The following KLF13 variants were observed in gnomAD, a reference collection of about 807,000 sequenced individuals.
KLF13 encodes the protein KLF transcription factor 13, also known as Krueppel-like factor 13.
A neutral mutation model predicts 16.7 loss-of-function variants in KLF13; 8 were observed. The observed-to-expected ratio is 0.48, with a 90% CI of 0.28 to 0.87. KLF13 has a LOEUF of 0.87. KLF13 is among the 40% of genes least tolerant of loss of function. The probability of loss-of-function intolerance (pLI) is 0.10; values close to 1 mark genes in which losing one functional copy is unlikely to be tolerated. For synonymous variants in KLF13, 245 were observed against 208.4 expected (o/e 1.18, Z -1.51); for missense variants, 447 against 452.2 (o/e 0.99, Z 0.10).
chr15:31,394,441 TG>T (rs1321402447), intron 2 of KLF13, among the ~76,000 whole-genome samples: 1 of 150,832 alleles, frequency 6.6e-6, no homozygotes, highest in Non-Finnish European at 1.5e-5. Context: ...GAGCCCAGAT[TG>T]GGCCACTGCC....
chr15:31,353,663 C>G (rs550631532), intron 1 of KLF13, among the ~76,000 whole-genome samples: 8 of 152,374 alleles, frequency 5.3e-5, no homozygotes, highest in East Asian at 1.9e-4. Context: ...TATCCTCCCC[C>G]CAAAGGGAGA....
At chr15:31,358,186 C>A (rs939715745) in intron 1 of KLF13, among the ~76,000 whole-genome samples, 1 of 152,226 alleles carries the variant, frequency 6.6e-6, no homozygotes, top group Non-Finnish European at 1.5e-5. Flanking sequence ...GCCAGAGATA[C>A]ATCCAGCAAT....
rs1441988607 is a variant in KLF13 at position 31,428,611 on chromosome 15, C to A, written n.118-6759C>A. 2.0e-5 allele frequency among the ~76,000 whole-genome samples: 3 copies of A among 151,854 alleles called. No individual in the cohort carries two copies. In the South Asian group the frequency reaches 6.2e-4, roughly 32 times the overall value. On this transcript the variant is annotated intron_variant and non_coding_transcript_variant, in intron 1 of 1. Coordinates refer to the KLF13 transcript ENST00000558225. ...CACAAGGTCAGGAGATCAAGACCAT[C>A]CTGGCTAACACGGTGAAACCCCGTC...
intron 1 of KLF13, among the ~76,000 whole-genome samples, chr15:31,419,230 C>T (rs11071009): frequency 2.0e-5 from 3 of 151,784 alleles, no homozygotes; most frequent in Non-Finnish European, 4.4e-5. Context: ...TTCAAAAGCA[C>T]AAATCCCAGT....
chr15:31,352,538 G>A (rs55852100), intron 1 of KLF13, among the ~76,000 whole-genome samples: 5 of 152,198 alleles, frequency 3.3e-5, no homozygotes, highest in Non-Finnish European at 5.9e-5. Flanking sequence ...GTCTGTATGT[G>A]GTGCCACTTG....
chr15:31,341,971 A>C (rs2039030941), intron 1 of KLF13, among the ~76,000 whole-genome samples: 1 of 152,220 alleles, frequency 6.6e-6, no homozygotes, highest in African/African-American at 2.4e-5. Flanking sequence ...AGGCATGCTC[A>C]GACTAGGGAG....
chr15:31,420,875 T>C (rs748742748), intron 1 of KLF13, among the ~76,000 whole-genome samples: 46 of 152,030 alleles, frequency 3.0e-4, no homozygotes, highest in Admixed American at 5.9e-4. Context: ...ATATTTTTAG[T>C]AGAGACAAGG....
intron 1 of KLF13, among the ~76,000 whole-genome samples, chr15:31,414,937 G>A (rs749915198): frequency 6.6e-6 from 1 of 152,170 alleles, no homozygotes; most frequent in Admixed American, 6.5e-5. Context: ...TGGAAGTAGG[G>A]ACTAAATTGG....
chr15:31,335,300 G>A (rs1566802674), intron 1 of KLF13, among the ~76,000 whole-genome samples: 2 of 152,080 alleles, frequency 1.3e-5, no homozygotes, highest in Admixed American at 1.3e-4. Flanking sequence ...GTGGTGAAGG[G>A]GCTATGCCTT....
rs1435277329 is a variant in KLF13 at position 31,371,888 on chromosome 15, A to T, written c.578-122A>T. ...ATGGATTTGTCACAGAAGCTCTTGGAGGTGGGGCATGTGGGAGGGGTGTTG... is the reference window on the plus strand; with the variant it reads ...ATGGATTTGTCACAGAAGCTCTTGGTGGTGGGGCATGTGGGAGGGGTGTTG... On this transcript the variant is annotated intron_variant, in intron 1 of 1. Transcript: ENST00000307145. 3.6e-6 allele frequency: 4 copies of T among 1,099,038 alleles called. No individual in the cohort carries two copies. The East Asian group carries it at 1.0e-4, about 29-fold the overall frequency. The allele number at this position is 1,099,038 out of a possible 1,614,324, so 68.1% of individuals were successfully genotyped here. A position where few individuals can be genotyped will look rare whatever the true frequency, so the allele number is the denominator to read the frequency against.
At chr15:31,423,176 C>CGTATATATACACGT (rs149346729) in intron 1 of KLF13, among the ~76,000 whole-genome samples, 3 of 17,000 alleles carry the variant, frequency 1.8e-4, no homozygotes, top group African/African-American at 5.1e-4. Flanking sequence ...TATATATATA[C>CGTATATATACACGT]ATATATACGT....
chr15:31,421,020 T>A (rs1303290022), intron 1 of KLF13, among the ~76,000 whole-genome samples: 1 of 152,188 alleles, frequency 6.6e-6, no homozygotes, highest in African/African-American at 2.4e-5. Context: ...GTTGCCTTTT[T>A]AAGTTTTCCT....
At chr15:31,355,990 A>G (rs756146537) in intron 1 of KLF13, among the ~76,000 whole-genome samples, 6 of 152,086 alleles carry the variant, frequency 3.9e-5, no homozygotes, top group Non-Finnish European at 5.9e-5. Flanking sequence ...CTCCTGCTGC[A>G]TAGCCTCCTG....
At chr15:31,426,975 G>A (rs1566850173) in intron 1 of KLF13, among the ~76,000 whole-genome samples, 1 of 152,214 alleles carries the variant, frequency 6.6e-6, no homozygotes, top group East Asian at 1.9e-4. Context: ...AGCCTTTGGA[G>A]TCCAGGACTT....
intron 1 of KLF13, among the ~76,000 whole-genome samples, chr15:31,333,317 GC>G (rs1199490198): frequency 6.6e-6 from 1 of 152,186 alleles, no homozygotes; most frequent in Non-Finnish European, 1.5e-5. Context: ...CTGGGCAGCC[GC>G]CCCCGAGGTG....
chr15:31,354,157 T>C (rs545985738), intron 1 of KLF13, among the ~76,000 whole-genome samples: 1 of 152,100 alleles, frequency 6.6e-6, no homozygotes, highest in South Asian at 2.1e-4. Context: ...TGCAGTTGAC[T>C]GACAGCAATG....
chr15:31,395,613 A>C (rs1329851023), intron 2 of KLF13, among the ~76,000 whole-genome samples: 1 of 152,180 alleles, frequency 6.6e-6, no homozygotes, highest in Admixed American at 6.5e-5. Context: ...CTGGCAATCC[A>C]TGAGAGGTCC....
chr15:31,383,631 T>G (rs1026981616), intron 1 of KLF13, among the ~76,000 whole-genome samples: 4 of 152,248 alleles, frequency 2.6e-5, no homozygotes, highest in Non-Finnish European at 5.9e-5. Flanking sequence ...CCGGGCGCGG[T>G]GGCTCACGCC....
chr15:31,403,658 A>C (rs1481554600), exon 3 of KLF13: 1 of 152,304 alleles, frequency 6.6e-6, no homozygotes, highest in Non-Finnish European at 1.5e-5. Context: ...CCACACAAGG[A>C]TAATGAGCAC....
Sources: allele counts gnomAD v4.1 joint callset (sites outside exome capture counted in the v4.1 genomes callset), GRCh38; gene constraint gnomAD v4.1.1; transcripts MANE v1.5; gene names NCBI Gene and HGNC (gene_info 2026-07-23, HGNC 2026-07-21).